The following GPR155 variants were observed in gnomAD, a reference collection of about 807,000 sequenced individuals.
GPR155 encodes the protein lysosomal cholesterol signaling protein.
In GPR155, 65 loss-of-function variants were observed where a neutral mutation model predicts 93.1. The observed-to-expected ratio is 0.70, with a 90% CI of 0.57 to 0.86. GPR155 has a LOEUF of 0.86. Ranked by LOEUF, GPR155 falls within the 40% of genes least tolerant of loss-of-function variation. The pLI is 0.00. For missense variants in GPR155, 838 were observed against 1,034.8 expected (o/e 0.81, Z 2.61); for synonymous variants, 319 against 360.1 (o/e 0.89, Z 1.29).
chr2:174,453,665 AAAG>A lies in GPR155; in HGVS notation c.1876+69_1876+71del, dbSNP rs1229574000. On this transcript the variant is annotated intron_variant, in intron 11 of 15. Coordinates refer to ENST00000392552, the MANE Select transcript of GPR155 (RefSeq NM_152529.7). Reference sequence around the variant, plus strand: ...ACAGAGCAAGACTCCGTCTCAAAAAAAAGAAAAAAAAAAAAAAGAATAAGGAAT... The same window carrying A: ...ACAGAGCAAGACTCCGTCTCAAAAAAAAAAAAAAAAAAAAGAATAAGGAAT... 1.8e-3 allele frequency: 1,100 copies of A among 621,384 alleles called. 61 individuals are homozygous for A. Among genetic ancestry groups the A allele is most frequent in the Middle Eastern group, 3.0e-3 (6 of 1,986 alleles). 38.5% of individuals were successfully genotyped at this position (621,384 alleles called of 1,614,324 possible). A position where few individuals can be genotyped will look rare whatever the true frequency, so the allele number is the denominator to read the frequency against.
intron 9 of GPR155, 60 bp downstream of exon 9, chr2:174,461,342 C>A: frequency 1.0e-6 from 1 of 963,654 alleles, no homozygotes; most frequent in Non-Finnish European, 1.7e-6. Flanking sequence ...TCTAGCAAGG[C>A]ACATAACGAG....
chr2:174,482,084 G>A (rs970434589), intron 1 of GPR155, 97 bp from the exon 2 acceptor site: 1 of 638,464 alleles, frequency 1.6e-6, no homozygotes. Context: ...TTATTAAATG[G>A]CCAAATAAAT....
At chr2:174,448,974 T>C (rs918484223) in intron 11 of GPR155, among the ~76,000 whole-genome samples, 5 of 152,082 alleles carry the variant, frequency 3.3e-5, no homozygotes, top group African/African-American at 2.4e-5. Context: ...GGAGAAAATA[T>C]TCGCACACTA....
rs1484962599 is a variant in GPR155, at chr2:174,453,826, G to A, written c.1787C>T (p.Ser596Phe). 1.2e-6 allele frequency: 2 copies of A among 1,611,208 alleles called. No homozygotes were observed. Among genetic ancestry groups the A allele is most frequent in the Non-Finnish European group, 1.7e-6 (2 of 1,177,602 alleles). The change falls in exon 11 of 16, where the codon TCC becomes TTC. Residue 596 changes from serine to phenylalanine, a missense_variant. By Grantham distance (155) the Ser-to-Phe change is radical (BLOSUM62 -2). Around this residue, in one of 3 missense-constraint regions of GPR155, gnomAD observed 663 missense variants for 790.1 expected, o/e 0.84. Coordinates refer to ENST00000392552, the MANE Select transcript of GPR155 (RefSeq NM_152529.7). ...GCAGTGTAATTCACCATTTCCCATG[G>A]AGCAGGAGCAGCAACCTATATCAAT... Reference protein sequence around the residue: ...SIPETSCCSCSMGNGELHCPS... With the variant: ...SIPETSCCSCFMGNGELHCPS...
intron 1 of GPR155, among the ~76,000 whole-genome samples, chr2:174,484,877 C>T (rs574268539): frequency 6.6e-6 from 1 of 152,264 alleles, no homozygotes; most frequent in East Asian, 1.9e-4. Flanking sequence ...GCCATGATCA[C>T]ACCACTGCAC....
intron 8 of GPR155, 41 bp from the exon 9 acceptor site, chr2:174,461,533 G>A: frequency 6.4e-7 from 1 of 1,553,720 alleles, no homozygotes; most frequent in Non-Finnish European, 8.9e-7. Flanking sequence ...AAGAAAGGAT[G>A]AATAGTAACT....
In GPR155 at chr2:174,453,858, G is replaced by C; in HGVS notation, c.1772-17C>G. On this transcript the variant is annotated splice_polypyrimidine_tract_variant and intron_variant, in intron 10 of 15. Coordinates refer to ENST00000392552, the MANE Select transcript of GPR155 (RefSeq NM_152529.7). The stretch of plus-strand genomic sequence containing the variant: ...AGCAGCAACCTATATCAATCAAATA[G>C]TATGTGAGAGTAGAGCCCAACCACA... 1 of 1,521,340 alleles carries C rather than the reference G, an allele frequency of 6.6e-7. No homozygotes were observed. Among genetic ancestry groups the C allele is most frequent in the Non-Finnish European group, 9.1e-7 (1 of 1,096,396 alleles). The allele number at this position is 1,521,340 out of a possible 1,614,324, so 94.2% of individuals were successfully genotyped here. A position where few individuals can be genotyped will look rare whatever the true frequency, so the allele number is the denominator to read the frequency against.
rs1688048485 is a variant in GPR155, at chr2:174,473,206, C to A, written c.619G>T (p.Val207Leu). ...QNASQNKIKI[V>L]GLGLLRVLQN... ...AATACACGCAGGAGTCCGAGTCCCA[C>A]AATTTTTATTTTATTTTGAGAAGCA... is the stretch of plus-strand genomic sequence containing the variant. Residue 207 changes from valine (V) to leucine (L), a missense_variant, in exon 3 of 16, where the codon GTG becomes TTG. Transcript: ENST00000392552. 3.7e-6 allele frequency: 6 copies of A among 1,613,684 alleles called. No individual in the cohort carries two copies. The highest frequency in any genetic ancestry group is 1.6e-4 in the Middle Eastern group (1 of 6,062).
intron 10 of GPR155, among the ~76,000 whole-genome samples, chr2:174,457,873 C>T (rs1296473658): frequency 6.6e-6 from 1 of 152,042 alleles, no homozygotes; most frequent in Non-Finnish European, 1.5e-5. Context: ...GCCTCAGCCT[C>T]CTGAGTAGCT....
At chr2:174,440,388 C>A (rs1331354524) in intron 14 of GPR155, among the ~76,000 whole-genome samples, 1 of 152,098 alleles carries the variant, frequency 6.6e-6, no homozygotes, top group Non-Finnish European at 1.5e-5. Context: ...AATTAGAGAT[C>A]AAATATTTTG....
chr2:174,450,971 A>G (rs541004546), intron 11 of GPR155, among the ~76,000 whole-genome samples: 2 of 152,300 alleles, frequency 1.3e-5, no homozygotes, highest in Non-Finnish European at 2.9e-5. Context: ...ATATGTGTGG[A>G]AAAATCCTGG....
At chr2:174,472,482 T>A (rs1459983898) in intron 3 of GPR155, among the ~76,000 whole-genome samples, 1 of 152,220 alleles carries the variant, frequency 6.6e-6, no homozygotes, top group Admixed American at 6.5e-5. Flanking sequence ...ATCATATGGC[T>A]GATAATAATC....
chr2:174,465,172 T>C (rs973457503), intron 7 of GPR155, among the ~76,000 whole-genome samples: 1 of 152,224 alleles, frequency 6.6e-6, no homozygotes, highest in African/African-American at 2.4e-5. Context: ...CTGGGTCCTT[T>C]TCTATTTCCA....
rs762784066 is a variant in GPR155, at chr2:174,436,070, T to A, written c.*46A>T. The A allele has an allele frequency of 2.0e-6, 3 of 1,514,374 alleles. No individual in the cohort carries two copies. The South Asian group carries it at 3.6e-5, about 18-fold the overall frequency. 93.8% of individuals were successfully genotyped at this position (1,514,374 alleles called of 1,614,324 possible). The stretch of plus-strand genomic sequence containing the variant: ...GGTCACCCAGCTAAAAACTAATGAA[T>A]ACGCGGCTAGAATATGATTCCATGT... On this transcript the variant is annotated 3_prime_UTR_variant, in exon 16 of 16. Coordinates refer to ENST00000392552, the MANE Select transcript of GPR155 (RefSeq NM_152529.7).
intron 2 of GPR155, among the ~76,000 whole-genome samples, chr2:174,479,172 C>A (rs1390463954): frequency 1.3e-5 from 2 of 152,178 alleles, no homozygotes; most frequent in African/African-American, 2.4e-5. Context: ...GATTCACTGA[C>A]TTAATGTGGG....
intron 15 of GPR155, 93 bp downstream of exon 15, chr2:174,439,805 A>G (rs1574692007): frequency 9.6e-7 from 1 of 1,042,144 alleles, no homozygotes. Context: ...GTAATCAGTC[A>G]CAACCACCTC....
rs1008868242 is a variant in GPR155 at position 174,434,274 on chromosome 2, G to T, written c.*1842C>A. 6.6e-6 allele frequency: 1 copy of T among 150,860 alleles called. No homozygotes were observed. Among genetic ancestry groups the T allele is most frequent in the South Asian group, 2.1e-4 (1 of 4,784 alleles). 9.3% of individuals were successfully genotyped at this position (150,860 alleles called of 1,614,324 possible). ...GTATGAGTCACCATGCCCAGCCTAG[G>T]TTTAGAATTTTTAAATATTGGCTTG... On this transcript the variant is annotated 3_prime_UTR_variant, in exon 16 of 16. Transcript: ENST00000392552.
Position 174,431,922 on chromosome 2 carries a change from T to A in GPR155, c.*4194A>T, listed in dbSNP as rs1686654313. On this transcript the variant is annotated 3_prime_UTR_variant, in exon 16 of 16. Coordinates refer to ENST00000392552, the MANE Select transcript of GPR155 (RefSeq NM_152529.7). ...GCTAAGCACAAGCTAGGCATGGAGT[T>A]ACTCATTGAGAGTTAAGAAAACAAT... 6.6e-6 allele frequency: 1 copy of A among 152,248 alleles called. No homozygotes were observed. Among genetic ancestry groups the A allele is most frequent in the Non-Finnish European group, 1.5e-5 (1 of 68,036 alleles). The allele number at this position is 152,248 out of a possible 1,614,324, so 9.4% of individuals were successfully genotyped here.
rs968666882 is a variant in GPR155, at chr2:174,433,143, A to T, written c.*2973T>A. 3.9e-5 allele frequency: 6 copies of T among 152,170 alleles called. No individual in the cohort carries two copies. Among genetic ancestry groups the T allele is most frequent in the Non-Finnish European group, 8.8e-5 (6 of 68,034 alleles). 9.4% of individuals were successfully genotyped at this position (152,170 alleles called of 1,614,324 possible). A position where few individuals can be genotyped will look rare whatever the true frequency, so the allele number is the denominator to read the frequency against. On this transcript the variant is annotated 3_prime_UTR_variant, in exon 16 of 16. Coordinates refer to ENST00000392552, the MANE Select transcript of GPR155 (RefSeq NM_152529.7). ...TAACCCTATAAATTATTTTATAAAT[A>T]ACTTTTTTACATGAGACACTTAAAG... is the stretch of plus-strand genomic sequence containing the variant.
Sources: gnomAD v4.1 joint callset for allele counts (sites outside exome capture counted in the v4.1 genomes callset) on GRCh38, gnomAD v4.1.1 for gene constraint, gnomAD v4.1.1 regional missense constraint, MANE v1.5 for transcripts, NCBI Gene and HGNC (gene_info 2026-07-23, HGNC 2026-07-21) for gene names.